The following F8 variants were observed in gnomAD, a reference collection of about 807,000 sequenced individuals.
The protein encoded by F8 is coagulation factor VIII.
Under a neutral mutation model 140.6 loss-of-function variants are expected in F8, and 12 were observed. The ratio of observed to expected loss-of-function variants is 0.09; its 90% CI spans 0.05 to 0.14. F8 has a LOEUF of 0.14. Among genes scored for constraint, F8 ranks in the 10% least tolerant of loss-of-function variants. F8 has a pLI of 1.00. For missense variants in F8, 1,354 were observed against 1,720.7 expected, an observed-to-expected ratio of 0.79 and a Z score of 3.77; for synonymous variants, 585 against 614.6, an observed-to-expected ratio of 0.95 and a Z score of 0.71.
chrX:154,916,224 T>G (rs1347362934), intron 14 of F8, among the ~76,000 whole-genome samples: 2 of 112,249 alleles, frequency 1.8e-5, no homozygotes, highest in Non-Finnish European at 3.8e-5. Context: ...TTGTTGAGGA[T>G]TTTTGCATCT....
intron 14 of F8, among the ~76,000 whole-genome samples, chrX:154,912,136 C>CCA (rs1181375856): frequency 1.8e-5 from 2 of 111,824 alleles, no homozygotes; most frequent in Admixed American, 1.9e-4. Flanking sequence ...ATATTTCATC[C>CCA]CATCCTGTAG....
Position 154,861,593 on chromosome X carries a change from C to T in F8, c.6723+125G>A, listed in dbSNP as rs1163033560. ...GGTTGTCTGCCCATAACCAAACTTC[C>T]TTGACACACTTTTTAGAACTAACAG... On this transcript the variant is annotated intron_variant, in intron 24 of 25. Transcript: ENST00000360256. The T allele has an allele frequency of 2.2e-5, 20 of 888,976 alleles. No individual in the cohort carries two copies. In the East Asian group the frequency reaches 6.3e-4, roughly 28 times the overall value. 73.3% of individuals were successfully genotyped at this position (888,976 alleles called of 1,213,427 possible).
At chrX:154,975,608 T>C (rs2073480939) in intron 6 of F8, among the ~76,000 whole-genome samples, 1 of 112,093 alleles carries the variant, frequency 8.9e-6, no homozygotes, top group Non-Finnish European at 1.9e-5. Context: ...AGTCCAGTGT[T>C]TCTTTGTTGA....
rs1557284819 is a variant in F8 at position 154,993,154 on chromosome X, G to A, written c.389-6C>T. The stretch of plus-strand genomic sequence containing the variant: ...CTGATCATCATATTCAGCTCCTATA[G>A]CAGGAAGAAATAAAATTGTCCTTTC... On this transcript the variant is annotated splice_region_variant and splice_polypyrimidine_tract_variant and intron_variant, in intron 3 of 25. Coordinates refer to ENST00000360256, the MANE Select transcript of F8 (RefSeq NM_000132.4). 8.3e-7 allele frequency: 1 copy of A among 1,198,673 alleles called. No individual in the cohort carries two copies. The highest frequency in any genetic ancestry group is 1.1e-6 in the Non-Finnish European group (1 of 885,066).
intron 25 of F8, among the ~76,000 whole-genome samples, chrX:154,859,744 C>T (rs1159989919): frequency 9.0e-6 from 1 of 111,529 alleles, no homozygotes; most frequent in African/African-American, 3.3e-5. Context: ...GTCTTTCATC[C>T]AGCCTTGATG....
At position 154,904,922 on chromosome X, in the gene F8, A is replaced by G. The variant is rs1557276222; in HGVS notation, c.5475T>C (p.Phe1825=). Residue 1825 remains phenylalanine, a synonymous_variant, in exon 16 of 26, where the codon TTT becomes TTC. Transcript: ENST00000360256. ...QRQGAEPRKN[F]VKPNETKTYF... is the part of the protein sequence containing the mutation. ...AAGTTTTGGTTTCATTAGGCTTGAC[A>G]AAGTTTTTTCTAGGTTCTGCTCCTT... 1 of 1,210,657 alleles carries G rather than the reference A, an allele frequency of 8.3e-7. No homozygotes were observed. The highest frequency in any genetic ancestry group is 1.8e-5 in the South Asian group (1 of 56,965).
At chrX:154,839,073 G>A (rs781940338) in intron 25 of F8, among the ~76,000 whole-genome samples, 121 of 109,082 alleles carry the variant, frequency 1.1e-3, no homozygotes, top group African/African-American at 3.8e-3. Flanking sequence ...CTATTTTACC[G>A]CATCGCAGAT....
chrX:154,953,836 T>C, intron 12 of F8, 56 bp downstream of exon 12: 2 of 1,173,798 alleles, frequency 1.7e-6, no homozygotes, highest in Non-Finnish European at 2.3e-6. Context: ...ATCACTTTGA[T>C]TACATCAATT....
At chrX:154,921,803 C>T (rs1412586855) in intron 14 of F8, among the ~76,000 whole-genome samples, 1 of 107,806 alleles carries the variant, frequency 9.3e-6, no homozygotes, top group Non-Finnish European at 1.9e-5. Flanking sequence ...ACTGTATGTT[C>T]TCACTCATAG....
chrX:154,945,427 A>C (rs1051696398), intron 13 of F8, among the ~76,000 whole-genome samples: 2 of 112,149 alleles, frequency 1.8e-5, no homozygotes, highest in Non-Finnish European at 3.8e-5. Flanking sequence ...GATTCATCCC[A>C]GGGATGCAAG....
At chrX:155,002,728 T>C (rs1315020267) in intron 1 of F8, among the ~76,000 whole-genome samples, 5 of 111,728 alleles carry the variant, frequency 4.5e-5, no homozygotes, top group Admixed American at 9.5e-5. Flanking sequence ...TTTGCATATA[T>C]AGCCAGAAGT....
chrX:154,932,009 G>A (rs2073201286), intron 13 of F8, among the ~76,000 whole-genome samples: 2 of 112,023 alleles, frequency 1.8e-5, no homozygotes, highest in African/African-American at 6.5e-5. Context: ...ATTTAATTCA[G>A]GAAAGTATTT....
At chrX:154,920,107 C>T in intron 14 of F8, 1 of 156,758 alleles carries the variant, frequency 6.4e-6, no homozygotes, top group East Asian at 1.5e-4. Context: ...ACTTTCTCTC[C>T]CAAGTAATTA....
chrX:154,966,291 G>A lies in F8; in HGVS notation c.1271+135C>T, dbSNP rs782503417. ...TGCTCAGCTATGTTAGTTTCCAAAT[G>A]TTAATACCCTTGCCATTTGATTCCA... On this transcript the variant is annotated intron_variant, in intron 8 of 25. Transcript: ENST00000360256. 3.5e-4 allele frequency: 323 copies of A among 933,253 alleles called. 3 individuals carry two copies. In the East Asian group the frequency reaches 8.7e-3, roughly 25 times the overall value. 76.9% of individuals were successfully genotyped at this position (933,253 alleles called of 1,213,427 possible). A position where few individuals can be genotyped will look rare whatever the true frequency, so the allele number is the denominator to read the frequency against.
rs782033857 is a variant in F8, at chrX:154,931,165, T to C, written c.2625A>G (p.Gln875=). 1 of 1,211,457 alleles carries C rather than the reference T, an allele frequency of 8.3e-7. No homozygotes were observed. Among genetic ancestry groups the C allele is most frequent in the Non-Finnish European group, 1.1e-6 (1 of 895,287 alleles). ...TCCCCAGTTTCTCATTTAATCTTAA[T>C]TGGAGGCCTGACTCAGGGGTAAATA... ...DMVFTPESGL[Q]LRLNEKLGTT... Residue 875 remains glutamine, a synonymous_variant, in exon 14 of 26, where the codon CAA becomes CAG. Coordinates refer to ENST00000360256, the MANE Select transcript of F8 (RefSeq NM_000132.4).
intron 12 of F8, among the ~76,000 whole-genome samples, chrX:154,948,171 G>A (rs1179399598): frequency 9.0e-6 from 1 of 111,177 alleles, no homozygotes; most frequent in African/African-American, 3.3e-5. Context: ...CAAGATGTTT[G>A]CATGGTCTTA....
In F8 at chrX:154,978,458, A is replaced by T. The variant is rs143465696; in HGVS notation, c.787+6229T>A. On this transcript the variant is annotated intron_variant, in intron 6 of 25. Coordinates refer to ENST00000360256, the MANE Select transcript of F8 (RefSeq NM_000132.4). Reference sequence around the variant, plus strand: ...GAGGTATGTATACCCTCAAGCACTTATCCTTTGAGTTATTAACAATCCAAT... The same window carrying T: ...GAGGTATGTATACCCTCAAGCACTTTTCCTTTGAGTTATTAACAATCCAAT... 3.5e-3 allele frequency among the ~76,000 whole-genome samples: 388 copies of T among 112,062 alleles called. 1 individual carries two copies. Among genetic ancestry groups the T allele is most frequent in the African/African-American group, 0.012 (382 of 30,864 alleles).
At chrX:154,872,533 C>T (rs2072781465) in intron 22 of F8, among the ~76,000 whole-genome samples, 3 of 86,412 alleles carry the variant, frequency 3.5e-5, no homozygotes, top group Admixed American at 2.8e-4. Context: ...GAACATCACA[C>T]GCTGGGGCCT....
At chrX:154,854,152 T>A (rs1367928835) in intron 25 of F8, among the ~76,000 whole-genome samples, 1 of 112,324 alleles carries the variant, frequency 8.9e-6, no homozygotes, top group Non-Finnish European at 1.9e-5. Context: ...TCTAGATACC[T>A]CATTATGGTG....
Sources: gnomAD v4.1 joint callset for allele counts (sites outside exome capture counted in the v4.1 genomes callset) on GRCh38, gnomAD v4.1.1 for gene constraint, MANE v1.5 for transcripts, NCBI Gene and HGNC (gene_info 2026-07-23, HGNC 2026-07-21) for gene names.